The following FBXO36 variants were observed in gnomAD, a reference collection of about 807,000 sequenced individuals.
The protein encoded by FBXO36 is F-box only protein 36.
Under a neutral mutation model 17.0 loss-of-function variants are expected in FBXO36, and 18 were observed. The ratio of observed to expected loss-of-function variants is 1.06; its 90% confidence interval spans 0.73 to 1.57. The LOEUF is 1.57. FBXO36 is among the 40% of genes most tolerant of loss of function. The pLI is 0.00. For missense variants in FBXO36, 229 were observed against 221.9 expected (o/e 1.03, Z -0.20); for synonymous variants, 83 against 85.3 (o/e 0.97, Z 0.15).
At position 230,011,843 on chromosome 2, in the gene FBXO36, G is replaced by A. The variant is rs2077417779; in HGVS notation, c.*959G>A. 1 of 152,022 alleles carries A rather than the reference G, an allele frequency of 6.6e-6. No homozygotes were observed. The highest frequency in any genetic ancestry group is 6.6e-5 in the Admixed American group (1 of 15,250). 9.4% of individuals were successfully genotyped at this position (152,022 alleles called of 1,614,324 possible). A position where few individuals can be genotyped will look rare whatever the true frequency, so the allele number is the denominator to read the frequency against. Reference sequence around the variant, plus strand: ...GGATATTTAAGAAAACAGACTATGAGTTAACTAAGTAAAAATGTAAATATG... The same window carrying A: ...GGATATTTAAGAAAACAGACTATGAATTAACTAAGTAAAAATGTAAATATG... On this transcript the variant is annotated 3_prime_UTR_variant, in exon 4 of 4. Transcript: ENST00000283946.
At chr2:229,998,800 A>AT (rs1157314161) in intron 3 of FBXO36, among the ~76,000 whole-genome samples, 2,733 of 132,178 alleles carry the variant, frequency 0.021, 51 homozygotes, top group Non-Finnish European at 0.029. Flanking sequence ...AAAAAACATA[A>AT]TTTTTTTTTT....
chr2:230,005,457 C>G (rs1177274576), intron 3 of FBXO36, among the ~76,000 whole-genome samples: 1 of 152,040 alleles, frequency 6.6e-6, no homozygotes, highest in Non-Finnish European at 1.5e-5. Context: ...AAATGATGCT[C>G]CATACTTTAT....
At chr2:229,962,882 A>ATTGTCTATTG (rs2077130951) in intron 1 of FBXO36, among the ~76,000 whole-genome samples, 1 of 151,952 alleles carries the variant, frequency 6.6e-6, no homozygotes, top group Non-Finnish European at 1.5e-5. Context: ...TCACCATGTT[A>ATTGTCTATTG]GCCAGGCTGG....
chr2:229,974,420 G>A (rs972037127), intron 1 of FBXO36, among the ~76,000 whole-genome samples: 1 of 152,152 alleles, frequency 6.6e-6, no homozygotes, highest in Non-Finnish European at 1.5e-5. Context: ...CCCTCCAGTG[G>A]CCATTGTGGC....
At chr2:229,938,377 A>G (rs1221009166) in intron 1 of FBXO36, among the ~76,000 whole-genome samples, 1 of 139,650 alleles carries the variant, frequency 7.2e-6, no homozygotes, top group Non-Finnish European at 1.5e-5. Flanking sequence ...ACCCGCCATC[A>G]TGCCCGGCTA....
chr2:229,979,601 G>A (rs2077227717), intron 2 of FBXO36, among the ~76,000 whole-genome samples: 1 of 151,838 alleles, frequency 6.6e-6, no homozygotes, highest in Non-Finnish European at 1.5e-5. Flanking sequence ...CCAACATGGT[G>A]AAACCCTGTC....
chr2:229,952,843 C>A (rs2106173916), intron 1 of FBXO36, among the ~76,000 whole-genome samples: 1 of 152,296 alleles, frequency 6.6e-6, no homozygotes, highest in South Asian at 2.1e-4. Context: ...CGCCATCTTA[C>A]CTGATGCTGG....
At chr2:229,965,059 A>C (rs1454817439) in intron 1 of FBXO36, among the ~76,000 whole-genome samples, 1 of 151,960 alleles carries the variant, frequency 6.6e-6, no homozygotes. Context: ...ACACAGTTTG[A>C]AATATGTTAA....
rs1410004629 is a variant in FBXO36, at chr2:230,012,126, T to C, written c.*1242T>C. ...TTCTTTCCTGCAACCTTCACTTTCC[T>C]ACCTAGGAAAACTCACCTCCGGTGC... is the stretch of plus-strand genomic sequence containing the variant. On this transcript the variant is annotated 3_prime_UTR_variant, in exon 4 of 4. Transcript: ENST00000283946. 1 of 152,198 alleles carries C rather than the reference T, an allele frequency of 6.6e-6. No individual in the cohort carries two copies. The allele number at this position is 152,198 out of a possible 1,614,324, so 9.4% of individuals were successfully genotyped here. A position where few individuals can be genotyped will look rare whatever the true frequency, so the allele number is the denominator to read the frequency against.
intron 3 of FBXO36, among the ~76,000 whole-genome samples, chr2:229,998,148 CA>C (rs1211842742): frequency 6.6e-6 from 1 of 152,060 alleles, no homozygotes; most frequent in Non-Finnish European, 1.5e-5. Flanking sequence ...CATTTTTTCC[CA>C]ATAATGCAAT....
intron 2 of FBXO36, among the ~76,000 whole-genome samples, chr2:229,996,123 A>T (rs560647835): frequency 9.2e-5 from 14 of 151,928 alleles, no homozygotes; most frequent in East Asian, 5.8e-4. Context: ...AAAAAAATTT[A>T]AAAAAATAGC....
intron 2 of FBXO36, among the ~76,000 whole-genome samples, chr2:229,980,273 C>A (rs1416461648): frequency 6.6e-6 from 1 of 152,108 alleles, no homozygotes; most frequent in Admixed American, 6.6e-5. Context: ...GTTGGCCAGG[C>A]TGGTCTCGAA....
intron 2 of FBXO36, among the ~76,000 whole-genome samples, chr2:229,988,464 C>A (rs1207552454): frequency 6.6e-6 from 1 of 152,116 alleles, no homozygotes; most frequent in Non-Finnish European, 1.5e-5. Context: ...TACCTTTTCA[C>A]CAGTATATCC....
At chr2:229,976,165 T>A (rs1244868233) in intron 1 of FBXO36, 76 bp from the exon 2 acceptor site, 29 of 1,171,918 alleles carry the variant, frequency 2.5e-5, no homozygotes, top group Non-Finnish European at 3.5e-5. Flanking sequence ...TATGCAAATT[T>A]TCAAAACCCC....
At chr2:229,982,422 CTA>C (rs1257947937) in intron 2 of FBXO36, among the ~76,000 whole-genome samples, 1 of 152,112 alleles carries the variant, frequency 6.6e-6, no homozygotes, top group Non-Finnish European at 1.5e-5. Flanking sequence ...CCTTCTCTGA[CTA>C]TGACTCTCCT....
intron 2 of FBXO36, chr2:229,977,132 C>T (rs1020632999): frequency 1.3e-5 from 2 of 152,028 alleles, no homozygotes; most frequent in African/African-American, 4.8e-5. Context: ...TCCTATGCTA[C>T]AACCATCTAT....
chr2:229,933,992 T>TA (rs563559212), intron 1 of FBXO36, among the ~76,000 whole-genome samples: 4 of 149,806 alleles, frequency 2.7e-5, no homozygotes, highest in African/African-American at 7.4e-5. Flanking sequence ...AGCCCCCCTT[T>TA]AAAAAAAAAT....
intron 2 of FBXO36, among the ~76,000 whole-genome samples, chr2:229,994,704 C>T (rs1230762276): frequency 2.0e-5 from 3 of 152,150 alleles, no homozygotes. Flanking sequence ...GGGAAGACTC[C>T]ATAGTGGAGC....
chr2:229,965,690 A>G (rs963509248), intron 1 of FBXO36, among the ~76,000 whole-genome samples: 2 of 152,100 alleles, frequency 1.3e-5, no homozygotes, highest in African/African-American at 4.8e-5. Context: ...CCATGTCCCT[A>G]CAAAGGACAT....
Sources: allele counts gnomAD v4.1 joint callset (sites outside exome capture counted in the v4.1 genomes callset), GRCh38; gene constraint gnomAD v4.1.1; transcripts MANE v1.5; gene names NCBI Gene and HGNC (gene_info 2026-07-23, HGNC 2026-07-21).